Variants in DAPK1 observed in about 807,000 individuals in gnomAD.
DAPK1 encodes the protein death associated protein kinase 1, also known as death-associated protein kinase 1.
DAPK1 carries 56 observed loss-of-function variants against 144.9 expected under a neutral mutation model. The observed-to-expected ratio is 0.39, with a 90% CI of 0.31 to 0.48. The LOEUF (loss-of-function observed/expected upper bound fraction) is 0.48. DAPK1 is among the 20% of genes least tolerant of loss of function. DAPK1 has a pLI of 0.95. For synonymous variants in DAPK1, 690 were observed against 749.0 expected, an observed-to-expected ratio of 0.92 and a Z score of 1.29; for missense variants, 1,454 against 1,875.4, an observed-to-expected ratio of 0.78 and a Z score of 4.15.
intron 3 of DAPK1, among the ~76,000 whole-genome samples, chr9:87,613,708 T>G (rs757846718): frequency 4.4e-4 from 67 of 152,330 alleles, no homozygotes; most frequent in Middle Eastern, 6.8e-3. Context: ...TGTACAGAGC[T>G]GAATGTGGTG....
chr9:87,700,250 T>C lies in DAPK1; in HGVS notation c.2871+13T>C, dbSNP rs879578736. ...CCAGATTGTTTCGGTAAGTACACCA[T>C]GGAAAGAGCCTGGACCCCTTTGTAC... On this transcript the variant is annotated intron_variant, in intron 24 of 25. Transcript: ENST00000408954. 1.2e-6 allele frequency: 2 copies of C among 1,608,948 alleles called. No individual in the cohort carries two copies. The highest frequency in any genetic ancestry group is 8.5e-7 in the Non-Finnish European group (1 of 1,175,300).
intron 2 of DAPK1, among the ~76,000 whole-genome samples, chr9:87,516,146 G>C (rs12237771): frequency 6.6e-6 from 1 of 152,000 alleles, no homozygotes; most frequent in African/African-American, 2.4e-5. Context: ...TGTACTTGCC[G>C]CCCCCCAGCT....
chr9:87,648,493 C>T (rs1256688804), intron 14 of DAPK1: 3 of 364,046 alleles, frequency 8.2e-6, no homozygotes, highest in East Asian at 8.6e-5. Context: ...AGTATCAGCA[C>T]ATAAAGAAGA....
chr9:87,548,394 C>T (rs149546548), intron 2 of DAPK1, among the ~76,000 whole-genome samples: 2 of 152,300 alleles, frequency 1.3e-5, no homozygotes, highest in East Asian at 3.9e-4. Flanking sequence ...ATGATTCTCT[C>T]CTATATTTTC....
At chr9:87,524,764 T>G (rs1383261935) in intron 2 of DAPK1, among the ~76,000 whole-genome samples, 1 of 152,112 alleles carries the variant, frequency 6.6e-6, no homozygotes, top group African/African-American at 2.4e-5. Context: ...TTGGAGACAA[T>G]GATTCTAAGT....
At position 87,548,685 on chromosome 9, in the gene DAPK1, GC is replaced by G. The variant is rs1826354165; in HGVS notation, c.62+49547del. ...GGATAACCATTTCTGAACCAGTGTT[GC>G]ATGGATTTGGCTGCTGTCTTGGGAA... On this transcript the variant is annotated intron_variant, in intron 2 of 25. Transcript: ENST00000408954. Among the ~76,000 whole-genome samples, 8 of 152,240 alleles carry G rather than the reference GC, an allele frequency of 5.3e-5. No homozygotes were observed. In the South Asian group the frequency reaches 1.7e-3, roughly 32 times the overall value.
intron 2 of DAPK1, among the ~76,000 whole-genome samples, chr9:87,509,978 G>A (rs1026391927): frequency 2.6e-5 from 4 of 152,160 alleles, no homozygotes; most frequent in Non-Finnish European, 5.9e-5. Flanking sequence ...ACTATAGATG[G>A]ACTAAACAGA....
chr9:87,664,320 C>T (rs1056632412), intron 18 of DAPK1, among the ~76,000 whole-genome samples: 2 of 152,148 alleles, frequency 1.3e-5, no homozygotes, highest in African/African-American at 4.8e-5. Flanking sequence ...TCACCCCCTG[C>T]GCATAGTGTG....
intron 18 of DAPK1, among the ~76,000 whole-genome samples, chr9:87,664,693 G>A (rs968189552): frequency 6.6e-6 from 1 of 152,214 alleles, no homozygotes; most frequent in Non-Finnish European, 1.5e-5. Flanking sequence ...TGGGCTCCCT[G>A]CTTCCACCCT....
chr9:87,614,648 TG>T (rs1431219249), intron 3 of DAPK1, among the ~76,000 whole-genome samples: 1 of 152,196 alleles, frequency 6.6e-6, no homozygotes, highest in Non-Finnish European at 1.5e-5. Flanking sequence ...AAGAGAACTT[TG>T]TGGAATTGCG....
rs111761524 is a variant in DAPK1, at chr9:87,544,893, A to G, written c.62+45754A>G. 4.2e-3 allele frequency among the ~76,000 whole-genome samples: 633 copies of G among 152,298 alleles called. 7 individuals are homozygous for G. The highest frequency in any genetic ancestry group is 0.015 in the African/African-American group (604 of 41,556). ...TTAATTTGGTCCCATTCCCTACCCC[A>G]GCAAGGTGAGGTAGGGACACAGCTC... On this transcript the variant is annotated intron_variant, in intron 2 of 25. Coordinates refer to ENST00000408954, the MANE Select transcript of DAPK1 (RefSeq NM_004938.4).
chr9:87,649,201 C>G (rs1009398810), intron 15 of DAPK1, among the ~76,000 whole-genome samples: 5 of 152,186 alleles, frequency 3.3e-5, no homozygotes, highest in Non-Finnish European at 7.3e-5. Flanking sequence ...CTTTCCCAGG[C>G]TCACAAAGCT....
intron 2 of DAPK1, among the ~76,000 whole-genome samples, chr9:87,528,313 G>A (rs941051936): frequency 4.0e-4 from 61 of 151,606 alleles, no homozygotes; most frequent in Admixed American, 3.9e-3. Context: ...CACCTCCTGG[G>A]TTCAAGCGAT....
chr9:87,571,527 A>ACACC (rs1554684291), intron 2 of DAPK1, among the ~76,000 whole-genome samples: 90 of 141,388 alleles, frequency 6.4e-4, no homozygotes, highest in African/African-American at 2.4e-3. Context: ...ACACACACAC[A>ACACC]CCAGAAGCGA....
At chr9:87,666,237 T>C (rs145753515) in intron 18 of DAPK1, among the ~76,000 whole-genome samples, 408 of 152,264 alleles carry the variant, frequency 2.7e-3, no homozygotes, top group Admixed American at 7.1e-3. Context: ...ATTTTCCATC[T>C]TGCAGATGAG....
At chr9:87,571,474 CCA>C (rs1554684241) in intron 2 of DAPK1, among the ~76,000 whole-genome samples, 4,265 of 48,168 alleles carry the variant, frequency 0.089, 672 homozygotes, top group East Asian at 0.23. Flanking sequence ...CACACACACA[CCA>C]ACACACACAC....
intron 2 of DAPK1, among the ~76,000 whole-genome samples, chr9:87,588,190 GA>G (rs1320180187): frequency 1.3e-5 from 2 of 152,202 alleles, no homozygotes; most frequent in African/African-American, 4.8e-5. Context: ...TGTGTGTCTG[GA>G]TATTTATGCT....
At position 87,706,846 on chromosome 9, in the gene DAPK1, C is replaced by T. The variant is rs771500801; in HGVS notation, c.3775C>T (p.Arg1259Trp). 7 of 1,613,904 alleles carry T rather than the reference C, an allele frequency of 4.3e-6. No individual in the cohort carries two copies. Among genetic ancestry groups the T allele is most frequent in the East Asian group, 2.2e-5 (1 of 44,876 alleles). Reference protein sequence around the residue: ...VMIYQPRDFFRAQTLKETSLT... With the variant: ...VMIYQPRDFFWAQTLKETSLT... ...GATCTACCAGCCACGGGACTTCTTCCGGGCACAGACTCTGAAGGAAACCTC... is the reference window on the plus strand; with the variant it reads ...GATCTACCAGCCACGGGACTTCTTCTGGGCACAGACTCTGAAGGAAACCTC... The change falls in exon 26 of 26, where the codon CGG (arginine) becomes TGG (tryptophan). Residue 1259 changes from arginine (R) to tryptophan (W), a missense_variant. Coordinates refer to ENST00000408954, the MANE Select transcript of DAPK1 (RefSeq NM_004938.4). The surrounding 1 kb of genome is among the most constrained non-coding windows in gnomAD (Gnocchi z 9.0).
At chr9:87,505,991 C>A (rs775165362) in intron 2 of DAPK1, among the ~76,000 whole-genome samples, 2 of 152,170 alleles carry the variant, frequency 1.3e-5, no homozygotes, top group African/African-American at 4.8e-5. Flanking sequence ...TGTGCCTGGC[C>A]GGGACTTTGA....
Sources: allele counts gnomAD v4.1 joint callset (sites outside exome capture counted in the v4.1 genomes callset), GRCh38; gene constraint gnomAD v4.1.1; non-coding constraint Gnocchi (gnomAD v3.1); transcripts MANE v1.5; gene names NCBI Gene and HGNC (gene_info 2026-07-23, HGNC 2026-07-21).